The following PCCA variants were observed in gnomAD, a reference collection of about 807,000 sequenced individuals.
PCCA encodes the protein propionyl-CoA carboxylase subunit alpha, also known as propionyl-CoA carboxylase alpha chain, mitochondrial.
PCCA carries 74 observed loss-of-function variants against 101.3 expected under a neutral mutation model. That is an observed-to-expected ratio of 0.73 (90% confidence interval 0.61 to 0.89). The LOEUF (loss-of-function observed/expected upper bound fraction) is 0.89, where lower values mean the gene tolerates loss of function less well. PCCA is among the 40% of genes least tolerant of loss of function. PCCA has a pLI of 0.00. For synonymous variants in PCCA, 294 were observed against 313.6 expected (o/e 0.94, Z 0.66); for missense variants, 891 against 907.0 (o/e 0.98, Z 0.23).
chr13:100,168,003 G>A (rs1198820715), intron 6 of PCCA, among the ~76,000 whole-genome samples: 5 of 152,072 alleles, frequency 3.3e-5, no homozygotes, highest in Non-Finnish European at 7.3e-5. Context: ...TAATCCTGCT[G>A]AGGCCGTCTT....
intron 16 of PCCA, among the ~76,000 whole-genome samples, chr13:100,318,665 C>A (rs1038877482): frequency 4.6e-5 from 7 of 152,026 alleles, no homozygotes; most frequent in Non-Finnish European, 1.0e-4. Flanking sequence ...ATGAACTCAT[C>A]ATTTTTTACG....
intron 4 of PCCA, among the ~76,000 whole-genome samples, chr13:100,119,219 T>C (rs1009072037): frequency 6.6e-6 from 1 of 152,184 alleles, no homozygotes; most frequent in African/African-American, 2.4e-5. Context: ...AGTATATTTA[T>C]TTTTAGCATA....
chr13:100,235,695 C>T, intron 7 of PCCA, 147 bp from the exon 8 acceptor site: 1 of 595,276 alleles, frequency 1.7e-6, no homozygotes, highest in South Asian at 2.0e-5. Context: ...ATTAATTTTA[C>T]ATTTCTCTGA....
intron 1 of PCCA, among the ~76,000 whole-genome samples, chr13:100,096,339 G>T (rs954788490): frequency 6.6e-6 from 1 of 151,918 alleles, no homozygotes; most frequent in Non-Finnish European, 1.5e-5. Context: ...AAATATTTTG[G>T]GGTGCCGTGA....
At chr13:100,310,140 A>T (rs2066798249) in intron 16 of PCCA, among the ~76,000 whole-genome samples, 1 of 152,214 alleles carries the variant, frequency 6.6e-6, no homozygotes, top group Non-Finnish European at 1.5e-5. Context: ...TACTCTATAT[A>T]ACCAGTACAC....
At chr13:100,259,142 A>G (rs1389479316) in intron 9 of PCCA, among the ~76,000 whole-genome samples, 1 of 152,114 alleles carries the variant, frequency 6.6e-6, no homozygotes, top group East Asian at 1.9e-4. Context: ...TGGTTTTTAC[A>G]TAATCCACAA....
At chr13:100,237,935 C>CTTTTTTTTTTTTT (rs1167146448) in intron 8 of PCCA, among the ~76,000 whole-genome samples, 2 of 131,082 alleles carry the variant, frequency 1.5e-5, no homozygotes, top group African/African-American at 3.0e-5. Context: ...TTCTTTCTTT[C>CTTTTTTTTTTTTT]TTTCTTTTTT....
At chr13:100,150,568 G>A in intron 4 of PCCA, 4 of 1,245,554 alleles carry the variant, frequency 3.2e-6, no homozygotes, top group Non-Finnish European at 2.3e-6. Context: ...ACTTACGGCC[G>A]TTTCCAAGGG....
At chr13:100,101,878 C>T (rs1257750189) in intron 1 of PCCA, among the ~76,000 whole-genome samples, 2 of 152,202 alleles carry the variant, frequency 1.3e-5, no homozygotes, top group African/African-American at 4.8e-5. Context: ...GCTAGGATTA[C>T]AGGCATGAGC....
At chr13:100,342,713 CTTT>C (rs3058594) in intron 18 of PCCA, among the ~76,000 whole-genome samples, 1 of 148,842 alleles carries the variant, frequency 6.7e-6, no homozygotes, top group Non-Finnish European at 1.5e-5. Flanking sequence ...TTTTGGTAAA[CTTT>C]TTTTTTTTCT....
rs1255974056 is a variant in PCCA at position 100,265,013 on chromosome 13, C to T, written c.819+2182C>T. ...GTGAAGTGACTTCTCAAACTTTCAT[C>T]CTTGCCTTCCTTTTTCAAATTAGAT... On this transcript the variant is annotated intron_variant, in intron 10 of 23. Coordinates refer to ENST00000376285, the MANE Select transcript of PCCA (RefSeq NM_000282.4). Among the ~76,000 whole-genome samples the T allele has an allele frequency of 2.0e-5, 3 of 152,138 alleles. No homozygotes were observed. The East Asian group carries it at 5.8e-4, about 29-fold the overall frequency.
rs375137036 is a variant in PCCA at position 100,506,702 on chromosome 13, C to T, written c.1900-8725C>T. ...TACATGGGAAGTCAGAGCTCCCCAT[C>T]TTTTTTCCCCAAAGGTCATTCATTC... On this transcript the variant is annotated intron_variant, in intron 21 of 23. Transcript: ENST00000376285. 7.9e-5 allele frequency among the ~76,000 whole-genome samples: 12 copies of T among 152,184 alleles called. No homozygotes were observed. The South Asian group carries it at 2.3e-3, about 29-fold the overall frequency.
chr13:100,112,211 C>T, intron 4 of PCCA, 150 bp downstream of exon 4: 1 of 637,528 alleles, frequency 1.6e-6, no homozygotes, highest in Non-Finnish European at 2.8e-6. Flanking sequence ...AGCAAAACGA[C>T]AGTATCACAG....
intron 16 of PCCA, among the ~76,000 whole-genome samples, chr13:100,315,688 AC>A (rs1321412528): frequency 6.6e-6 from 1 of 152,064 alleles, no homozygotes; most frequent in African/African-American, 2.4e-5. Context: ...GTGTTTTGGA[AC>A]CAGCAGGCAG....
At chr13:100,403,308 G>A (rs1170016384) in intron 19 of PCCA, among the ~76,000 whole-genome samples, 1 of 152,202 alleles carries the variant, frequency 6.6e-6, no homozygotes, top group East Asian at 1.9e-4. Flanking sequence ...TCAGTTATTG[G>A]CATGTGTGTT....
At chr13:100,455,648 C>G (rs1337988707) in intron 21 of PCCA, among the ~76,000 whole-genome samples, 3 of 151,958 alleles carry the variant, frequency 2.0e-5, no homozygotes, top group Non-Finnish European at 2.9e-5. Context: ...CACTACTACC[C>G]GAAGCATTTT....
intron 6 of PCCA, among the ~76,000 whole-genome samples, chr13:100,171,972 C>A (rs1018268150): frequency 1.3e-5 from 2 of 149,600 alleles, no homozygotes; most frequent in African/African-American, 5.0e-5. Context: ...GCAGAGCTTG[C>A]AGTGAGCGGA....
chr13:100,530,056 A>G (rs2153010878), intron 23 of PCCA, 42 bp from the exon 24 acceptor site: 1 of 1,497,380 alleles, frequency 6.7e-7, no homozygotes, highest in Non-Finnish European at 9.3e-7. Context: ...TCTGGTTACT[A>G]ATTCTTACTC....
At chr13:100,314,419 A>G (rs763308873) in intron 16 of PCCA, among the ~76,000 whole-genome samples, 2 of 152,052 alleles carry the variant, frequency 1.3e-5, no homozygotes, top group African/African-American at 2.4e-5. Context: ...GATCCTATCA[A>G]TCTGCCATTA....
Sources: gnomAD v4.1 joint callset for allele counts (sites outside exome capture counted in the v4.1 genomes callset) on GRCh38, gnomAD v4.1.1 for gene constraint, MANE v1.5 for transcripts, NCBI Gene and HGNC (gene_info 2026-07-23, HGNC 2026-07-21) for gene names.